Variants in HERC4 observed in about 807,000 individuals in gnomAD.
HERC4 encodes HECT and RLD domain containing E3 ubiquitin protein ligase 4, also known as probable E3 ubiquitin-protein ligase HERC4.
HERC4 carries 28 observed loss-of-function variants against 124.3 expected under a neutral mutation model. That is an observed-to-expected ratio of 0.23 (90% CI 0.17 to 0.31). The LOEUF is 0.31. Among genes scored for constraint, HERC4 ranks in the 10% least tolerant of loss-of-function variants. The pLI is 1.00. For missense variants in HERC4, 713 were observed against 1,229.3 expected, an observed-to-expected ratio of 0.58 and a Z score of 6.28; for synonymous variants, 407 against 421.5, an observed-to-expected ratio of 0.97 and a Z score of 0.42.
At chr10:68,061,377 C>T (rs1410990220) in intron 3 of HERC4, among the ~76,000 whole-genome samples, 1 of 151,228 alleles carries the variant, frequency 6.6e-6, no homozygotes, top group African/African-American at 2.4e-5. Context: ...ACTGAAAATA[C>T]AAAAAATTAG....
intron 3 of HERC4, among the ~76,000 whole-genome samples, chr10:68,061,378 A>C (rs2041001978): frequency 6.6e-6 from 1 of 151,766 alleles, no homozygotes; most frequent in Non-Finnish European, 1.5e-5. Context: ...CTGAAAATAC[A>C]AAAAATTAGC....
chr10:68,006,503 C>T (rs2037573902), intron 9 of HERC4, among the ~76,000 whole-genome samples: 1 of 151,840 alleles, frequency 6.6e-6, no homozygotes. Flanking sequence ...TCCTGAGTAG[C>T]TGGGATTACA....
intron 15 of HERC4, among the ~76,000 whole-genome samples, chr10:67,983,606 C>T (rs112211450): frequency 6.7e-4 from 101 of 151,792 alleles, no homozygotes; most frequent in Admixed American, 1.1e-3. Context: ...GGTGAAACCC[C>T]GTCTCTACTA....
chr10:67,966,260 G>A (rs1269843400), intron 16 of HERC4: 1 of 165,678 alleles, frequency 6.0e-6, no homozygotes, highest in Non-Finnish European at 1.3e-5. Flanking sequence ...TTACAGGCAT[G>A]AGCCACCACA....
intron 22 of HERC4, among the ~76,000 whole-genome samples, chr10:67,934,185 C>G (rs1266288528): frequency 6.6e-6 from 1 of 152,148 alleles, no homozygotes; most frequent in African/African-American, 2.4e-5. Context: ...TTCTACTCCC[C>G]TGTACATCTA....
intron 17 of HERC4, chr10:67,956,525 C>A: frequency 6.4e-6 from 1 of 157,366 alleles, no homozygotes; most frequent in Non-Finnish European, 1.4e-5. Context: ...CATCTCTTAC[C>A]AAGCATATAA....
At chr10:68,056,788 C>A (rs1251591970) in intron 3 of HERC4, among the ~76,000 whole-genome samples, 1 of 151,954 alleles carries the variant, frequency 6.6e-6, no homozygotes, top group African/African-American at 2.4e-5. Context: ...AACTAAGGAC[C>A]CAATAGTTTA....
At chr10:68,020,525 G>C (rs2133211830) in intron 8 of HERC4, among the ~76,000 whole-genome samples, 1 of 152,198 alleles carries the variant, frequency 6.6e-6, no homozygotes, top group Non-Finnish European at 1.5e-5. Flanking sequence ...CCAGCACTTT[G>C]GGAGGCCGAG....
chr10:68,042,485 T>G (rs745821827), intron 4 of HERC4, among the ~76,000 whole-genome samples: 1 of 152,180 alleles, frequency 6.6e-6, no homozygotes, highest in Non-Finnish European at 1.5e-5. Flanking sequence ...TGGCCAAGCA[T>G]AGTGGTGCAC....
intron 20 of HERC4, among the ~76,000 whole-genome samples, chr10:67,939,967 C>T (rs913081854): frequency 2.0e-5 from 3 of 152,070 alleles, no homozygotes; most frequent in Non-Finnish European, 2.9e-5. Context: ...TGCTCTGTCG[C>T]CCAGGCTGAA....
chr10:67,996,354 C>T (rs2036881937), intron 9 of HERC4, among the ~76,000 whole-genome samples: 1 of 152,068 alleles, frequency 6.6e-6, no homozygotes, highest in African/African-American at 2.4e-5. Context: ...GATTAGTGCA[C>T]TGTTTAGGAT....
chr10:68,011,703 C>T (rs2037965363), intron 9 of HERC4, among the ~76,000 whole-genome samples: 1 of 152,150 alleles, frequency 6.6e-6, no homozygotes, highest in Non-Finnish European at 1.5e-5. Flanking sequence ...TTATAGAATA[C>T]AGGCAGAGTA....
At chr10:67,983,031 G>T in intron 15 of HERC4, among the ~76,000 whole-genome samples, 1 of 151,332 alleles carries the variant, frequency 6.6e-6, no homozygotes, top group East Asian at 1.9e-4. Context: ...GGGAGGCTGA[G>T]GCAGGAGAAT....
rs1293426333 is a variant in HERC4, at chr10:67,956,972, G to A, written c.1931C>T (p.Ala644Val). The A allele has an allele frequency of 6.5e-7, 1 of 1,545,972 alleles. No homozygotes were observed. Among genetic ancestry groups the A allele is most frequent in the African/African-American group, 1.4e-5 (1 of 72,456 alleles). Reference protein sequence around the residue: ...WVQQQAYGMLADIPVTICTYP... With the variant: ...WVQQQAYGMLVDIPVTICTYP... ...TGTACAGATTGTAACAGGGATATCT[G>A]CCAACTGGAAATAAAAAATTAACTT... is the stretch of plus-strand genomic sequence containing the variant. The change falls in exon 17 of 25, where the codon GCA becomes GTA. Residue 644 changes from alanine (A) to valine (V), a missense_variant. Transcript: ENST00000373700.
At chr10:67,992,741 C>A in intron 9 of HERC4, 59 bp from the exon 10 acceptor site, 2 of 808,304 alleles carry the variant, frequency 2.5e-6, no homozygotes, top group East Asian at 2.6e-5. Flanking sequence ...TTCAGAGCAT[C>A]AATATGCCAT....
At chr10:68,006,760 G>C (rs575393285) in intron 9 of HERC4, among the ~76,000 whole-genome samples, 19 of 152,076 alleles carry the variant, frequency 1.2e-4, no homozygotes, top group Non-Finnish European at 4.4e-5. Flanking sequence ...AATATTCTGG[G>C]ATAAATGTTA....
intron 15 of HERC4, among the ~76,000 whole-genome samples, chr10:67,982,860 G>C (rs2036014865): frequency 6.6e-6 from 1 of 152,158 alleles, no homozygotes; most frequent in Non-Finnish European, 1.5e-5. Flanking sequence ...GGGTGCGGTG[G>C]CTCATGCCTG....
intron 8 of HERC4, among the ~76,000 whole-genome samples, chr10:68,020,150 A>C (rs2038521586): frequency 6.6e-6 from 1 of 152,226 alleles, no homozygotes; most frequent in African/African-American, 2.4e-5. Context: ...CTCCTGACAC[A>C]GATAAAACCT....
At chr10:67,931,230 C>T (rs143779696) in intron 23 of HERC4, among the ~76,000 whole-genome samples, 4,644 of 151,380 alleles carry the variant, frequency 0.031, 241 homozygotes, top group African/African-American at 0.11. Context: ...GTGATCCGCC[C>T]GCCTCGGTGT....
Sources: allele counts gnomAD v4.1 joint callset (sites outside exome capture counted in the v4.1 genomes callset), GRCh38; gene constraint gnomAD v4.1.1; transcripts MANE v1.5; gene names NCBI Gene and HGNC (gene_info 2026-07-23, HGNC 2026-07-21).